The following GRM1 variants were observed in gnomAD, a reference collection of about 807,000 sequenced individuals.
The protein encoded by GRM1 is metabotropic glutamate receptor 1.
A neutral mutation model predicts 90.9 loss-of-function variants in GRM1; 33 were observed. The ratio of observed to expected loss-of-function variants is 0.36; its 90% confidence interval spans 0.28 to 0.49. The LOEUF (loss-of-function observed/expected upper bound fraction) is 0.49, where lower values mean the gene tolerates loss of function less well. Among genes scored for constraint, GRM1 ranks in the 20% least tolerant of loss-of-function variants. The pLI, the probability that GRM1 is intolerant of heterozygous loss-of-function variation, is 0.99. For synonymous variants in GRM1, 700 were observed against 613.2 expected (o/e 1.14, Z -2.09); for missense variants, 1,190 against 1,534.3 (o/e 0.78, Z 3.75).
At chr6:146,030,279 C>A in intron 1 of GRM1, 62 bp downstream of exon 1, 1 of 1,117,472 alleles carries the variant, frequency 8.9e-7, no homozygotes, top group Admixed American at 1.7e-5. Flanking sequence ...TGATGTGCTC[C>A]TGGGATCATA....
rs747229027 is a variant in GRM1, at chr6:146,434,064, C to T, written c.2853C>T (p.Thr951=). The T allele has an allele frequency of 2.5e-6, 4 of 1,614,186 alleles. No homozygotes were observed. Among genetic ancestry groups the T allele is most frequent in the Non-Finnish European group, 2.5e-6 (3 of 1,180,024 alleles). Residue 951 remains threonine, a synonymous_variant, in exon 8 of 8, where the codon ACC becomes ACT. Transcript: ENST00000282753. ...GCCTGACCTTTTCAGATACCAGCAC[C>T]AAGACCCTTTACAACGTAGAGGAGG... The part of the protein sequence containing the change: ...GKSLTFSDTS[T]KTLYNVEEEE...
intron 1 of GRM1, among the ~76,000 whole-genome samples, chr6:146,134,286 C>T (rs1434313462): frequency 6.6e-6 from 1 of 152,178 alleles, no homozygotes; most frequent in Non-Finnish European, 1.5e-5. Context: ...TTGTGGGTTT[C>T]TGAAGACAAG....
intron 5 of GRM1, among the ~76,000 whole-genome samples, chr6:146,384,066 G>GA (rs1776411156): frequency 1.3e-5 from 2 of 152,096 alleles, no homozygotes; most frequent in African/African-American, 2.4e-5. Flanking sequence ...ATTTGAGAGA[G>GA]AAAACAAATG....
intron 2 of GRM1, among the ~76,000 whole-genome samples, chr6:146,249,232 G>T (rs1443898557): frequency 6.6e-6 from 1 of 152,184 alleles, no homozygotes; most frequent in African/African-American, 2.4e-5. Flanking sequence ...AAGTAATGAG[G>T]AGCTGCATGT....
chr6:146,227,790 A>C (rs1405757112), intron 2 of GRM1, among the ~76,000 whole-genome samples: 1 of 152,180 alleles, frequency 6.6e-6, no homozygotes, highest in Admixed American at 6.6e-5. Context: ...ATGCAGAAAG[A>C]AGCACAATTA....
chr6:146,299,239 T>G (rs958269995), intron 2 of GRM1, among the ~76,000 whole-genome samples: 1 of 152,232 alleles, frequency 6.6e-6, no homozygotes, highest in Non-Finnish European at 1.5e-5. Flanking sequence ...CTATCTAACC[T>G]ACATCACCGT....
intron 2 of GRM1, among the ~76,000 whole-genome samples, chr6:146,268,767 T>C (rs1364909564): frequency 6.6e-6 from 1 of 152,216 alleles, no homozygotes; most frequent in Non-Finnish European, 1.5e-5. Context: ...CATAATGCTC[T>C]AAAATTTTTA....
intron 1 of GRM1, among the ~76,000 whole-genome samples, chr6:146,076,484 T>G (rs1202550287): frequency 6.6e-6 from 1 of 152,060 alleles, no homozygotes; most frequent in African/African-American, 2.4e-5. Context: ...CTGGATGGAT[T>G]CTGGGTAGAT....
chr6:146,110,384 G>A (rs1775510410), intron 1 of GRM1, among the ~76,000 whole-genome samples: 1 of 152,122 alleles, frequency 6.6e-6, no homozygotes, highest in Non-Finnish European at 1.5e-5. Context: ...CTCTTCTCTT[G>A]TCTGCCGCCA....
At chr6:146,098,875 A>G (rs930379010) in intron 1 of GRM1, among the ~76,000 whole-genome samples, 2 of 152,084 alleles carry the variant, frequency 1.3e-5, no homozygotes, top group Non-Finnish European at 2.9e-5. Context: ...CCATGATTGT[A>G]AGTTTCCTGA....
At chr6:146,143,324 G>A (rs1776961006) in intron 1 of GRM1, among the ~76,000 whole-genome samples, 1 of 152,154 alleles carries the variant, frequency 6.6e-6, no homozygotes, top group Non-Finnish European at 1.5e-5. Flanking sequence ...TATAAAATGT[G>A]GGGTTAAATA....
At chr6:146,326,859 G>C (rs1373156832) in intron 3 of GRM1, among the ~76,000 whole-genome samples, 2 of 152,154 alleles carry the variant, frequency 1.3e-5, no homozygotes, top group East Asian at 1.9e-4. Context: ...AATATGACTA[G>C]GGGTTGTTGA....
intron 7 of GRM1, among the ~76,000 whole-genome samples, chr6:146,428,091 A>G (rs1778279954): frequency 6.6e-6 from 1 of 152,244 alleles, no homozygotes; most frequent in South Asian, 2.1e-4. Context: ...GGCCGTTAAG[A>G]ACTTTCAGAA....
chr6:146,144,926 G>A (rs902157404), intron 1 of GRM1, among the ~76,000 whole-genome samples: 2 of 152,170 alleles, frequency 1.3e-5, no homozygotes, highest in African/African-American at 2.4e-5. Context: ...AAAAAGTATA[G>A]GAAACTGGAG....
At chr6:146,221,371 G>A (rs761158222) in intron 2 of GRM1, among the ~76,000 whole-genome samples, 42 of 152,152 alleles carry the variant, frequency 2.8e-4, no homozygotes, top group African/African-American at 6.3e-4. Flanking sequence ...ACAGGCCCCA[G>A]TGTGTGATGT....
At chr6:146,069,738 A>G (rs1047149921) in intron 1 of GRM1, among the ~76,000 whole-genome samples, 2 of 152,216 alleles carry the variant, frequency 1.3e-5, no homozygotes, top group Non-Finnish European at 2.9e-5. Context: ...ACTACTGGAA[A>G]GCCAATGAAG....
Position 146,029,416 on chromosome 6 carries a change from G to C in GRM1, c.-102G>C, listed in dbSNP as rs1048124367. 6.5e-6 allele frequency: 6 copies of C among 918,728 alleles called. No individual in the cohort carries two copies. The highest frequency in any genetic ancestry group is 4.9e-5 in the African/African-American group (3 of 61,522). The allele number at this position is 918,728 out of a possible 1,614,324, so 56.9% of individuals were successfully genotyped here. A position where few individuals can be genotyped will look rare whatever the true frequency, so the allele number is the denominator to read the frequency against. On this transcript the variant is annotated 5_prime_UTR_variant, in exon 1 of 8. Transcript: ENST00000282753. ...CATTGTTGGCGAGGGGCACCACTCC[G>C]GGAGAGGCGGCGCTGGGCGTCTTGG...
chr6:146,161,600 A>G (rs922157243), intron 2 of GRM1, among the ~76,000 whole-genome samples: 4 of 152,126 alleles, frequency 2.6e-5, no homozygotes, highest in Admixed American at 6.5e-5. Context: ...TATTGTCTCA[A>G]TGAACACCTG....
intron 2 of GRM1, among the ~76,000 whole-genome samples, chr6:146,256,951 C>A (rs1781501351): frequency 6.6e-6 from 1 of 152,140 alleles, no homozygotes; most frequent in Admixed American, 6.6e-5. Flanking sequence ...TTACTCCATG[C>A]TCCAGATGAG....
Sources: gnomAD v4.1 joint callset for allele counts (sites outside exome capture counted in the v4.1 genomes callset) on GRCh38, gnomAD v4.1.1 for gene constraint, MANE v1.5 for transcripts, NCBI Gene and HGNC (gene_info 2026-07-23, HGNC 2026-07-21) for gene names.